Variants in UNKL observed in about 807,000 individuals in gnomAD.
The protein encoded by UNKL is putative E3 ubiquitin-protein ligase UNKL.
Under a neutral mutation model 78.0 loss-of-function variants are expected in UNKL, and 60 were observed. The observed-to-expected ratio is 0.77, with a 90% CI of 0.63 to 0.95. The LOEUF (loss-of-function observed/expected upper bound fraction) is 0.95, where lower values mean the gene tolerates loss of function less well. UNKL is among the 40% of genes least tolerant of loss of function. UNKL has a pLI of 0.00. For missense variants in UNKL, 1,159 were observed against 1,045.7 expected, an observed-to-expected ratio of 1.11 and a Z score of -1.49; for synonymous variants, 608 against 474.8, an observed-to-expected ratio of 1.28 and a Z score of -3.65.
At chr16:1,377,729 C>A (rs1423729910) in intron 10 of UNKL, among the ~76,000 whole-genome samples, 3 of 152,160 alleles carry the variant, frequency 2.0e-5, no homozygotes, top group African/African-American at 7.2e-5. Context: ...AGATGTCCAG[C>A]AGGGGCCAAA....
Position 1,403,307 on chromosome 16 carries a change from G to T in UNKL, c.325C>A (p.Arg109Ser), listed in dbSNP as rs1412879081. Residue 109 changes from arginine (R) to serine (S), a missense_variant, in exon 3 of 15, where the codon CGC becomes AGC. Arg to Ser is a moderately radical substitution (Grantham distance 110, BLOSUM62 -1). Transcript: ENST00000389221. This position sits in a 1 kb window ranked among gnomAD's most constrained non-coding sequence, Gnocchi z 4.8. ...TTGTAGTAACGCAGGTGGTACTTGC[G>T]TTCTGTGTCCCCCGTCGTCCGGTGC... ...YLHRTTGDTE[R>S]KYHLRYYKTG... 1 of 1,614,208 alleles carries T rather than the reference G, an allele frequency of 6.2e-7. No homozygotes were observed. Among genetic ancestry groups the T allele is most frequent in the Non-Finnish European group, 8.5e-7 (1 of 1,180,034 alleles).
In UNKL at chr16:1,401,538, C is replaced by G. The variant is rs752961434; in HGVS notation, c.598+30G>C. ...CTCGCGCTGTGCCCGCCCCCCCCAC[C>G]ACCGCCCTCAGCTGCGGCCGTGGAG... On this transcript the variant is annotated intron_variant, in intron 4 of 14. Transcript: ENST00000389221. The G allele has an allele frequency of 7.7e-5, 117 of 1,511,052 alleles. 1 individual carries two copies. The highest frequency in any genetic ancestry group is 8.0e-5 in the Non-Finnish European group (90 of 1,119,550). The allele number at this position is 1,511,052 out of a possible 1,614,324, so 93.6% of individuals were successfully genotyped here.
rs74697119 is a variant in UNKL, at chr16:1,366,005, T to C, written c.*235A>G. On this transcript the variant is annotated 3_prime_UTR_variant, in exon 15 of 15. Coordinates refer to ENST00000389221, the MANE Select transcript of UNKL (RefSeq NM_001372107.1). ...TTCTGTGGGTTTGCATTTAAGGTTT[T>C]TGAGGAAAATACCTTGAAACCGTCG... 6.4e-3 allele frequency: 2,822 copies of C among 439,228 alleles called. 75 individuals are homozygous for C. The highest frequency in any genetic ancestry group is 0.048 in the African/African-American group (2,418 of 49,910). The allele number at this position is 439,228 out of a possible 1,614,324, so 27.2% of individuals were successfully genotyped here. A position where few individuals can be genotyped will look rare whatever the true frequency, so the allele number is the denominator to read the frequency against.
At chr16:1,401,819 G>T in intron 3 of UNKL, 118 bp from the exon 4 acceptor site, 1 of 1,392,218 alleles carries the variant, frequency 7.2e-7, no homozygotes, top group Non-Finnish European at 9.5e-7. Context: ...CTGCCGAAGG[G>T]TTCAGGACGG....
At chr16:1,369,329 A>C (rs957706256) in intron 12 of UNKL, among the ~76,000 whole-genome samples, 1 of 150,182 alleles carries the variant, frequency 6.7e-6, no homozygotes, top group Non-Finnish European at 1.5e-5. Flanking sequence ...CGGCGCCCCA[A>C]GTGCTGGGAT....
chr16:1,393,121 A>G, intron 7 of UNKL, 145 bp from the exon 8 acceptor site: 1 of 810,394 alleles, frequency 1.2e-6, no homozygotes. Flanking sequence ...ACGGCTGGGC[A>G]GTGGTGGGGA....
At chr16:1,385,149 AAGCTAC>A in intron 10 of UNKL, 53 bp downstream of exon 10, 1 of 1,180,604 alleles carries the variant, frequency 8.5e-7, no homozygotes, top group Non-Finnish European at 1.1e-6. Flanking sequence ...TGTCCCTGAA[AAGCTAC>A]AGCATGAACA....
chr16:1,378,618 C>T (rs1339984252), intron 10 of UNKL, among the ~76,000 whole-genome samples: 1 of 152,232 alleles, frequency 6.6e-6, no homozygotes, highest in African/African-American at 2.4e-5. Flanking sequence ...CAAACTACGG[C>T]TCGCACTCAA....
chr16:1,404,568 T>C (rs1015241272), intron 2 of UNKL, among the ~76,000 whole-genome samples: 2 of 151,978 alleles, frequency 1.3e-5, no homozygotes, highest in East Asian at 3.9e-4. Context: ...CAAGCAAAAG[T>C]CAAATTACAA....
At chr16:1,389,736 G>A (rs953499331) in intron 9 of UNKL, among the ~76,000 whole-genome samples, 1 of 152,236 alleles carries the variant, frequency 6.6e-6, no homozygotes, top group African/African-American at 2.4e-5. Context: ...CACCCGGGGG[G>A]CCTCAGGAGC....
chr16:1,402,422 G>A (rs2037567410), intron 3 of UNKL, among the ~76,000 whole-genome samples: 1 of 152,042 alleles, frequency 6.6e-6, no homozygotes, highest in Non-Finnish European at 1.5e-5. Context: ...CAGAATTTCA[G>A]GAGGCCGAGG....
intron 9 of UNKL, among the ~76,000 whole-genome samples, chr16:1,388,939 T>TG (rs2036930944): frequency 6.6e-6 from 1 of 152,350 alleles, no homozygotes; most frequent in Admixed American, 6.5e-5. Context: ...GGCCATGGTT[T>TG]GGTGTAGTAC....
intron 10 of UNKL, among the ~76,000 whole-genome samples, chr16:1,375,070 C>A (rs1022227255): frequency 5.3e-5 from 8 of 152,180 alleles, no homozygotes; most frequent in African/African-American, 1.9e-4. Context: ...ATGGGAGCAA[C>A]CACAGGGTGG....
At position 1,399,026 on chromosome 16, in the gene UNKL, C is replaced by A; in HGVS notation, c.734+348G>T. On this transcript the variant is annotated intron_variant, in intron 5 of 14. Coordinates refer to ENST00000389221, the MANE Select transcript of UNKL (RefSeq NM_001372107.1). The surrounding 1 kb of genome is among the most constrained non-coding windows in gnomAD (Gnocchi z 5.8). ...GAGGAGACAGCATGCAGCCCACAGG[C>A]TGGAGAGCGTGGCTGCAACCAGAGG... The A allele has an allele frequency of 6.9e-7, 1 of 1,443,078 alleles. No individual in the cohort carries two copies. The highest frequency in any genetic ancestry group is 1.4e-5 in the South Asian group (1 of 70,108). The allele number at this position is 1,443,078 out of a possible 1,614,324, so 89.4% of individuals were successfully genotyped here.
At chr16:1,388,327 G>A (rs559923921) in intron 9 of UNKL, among the ~76,000 whole-genome samples, 1 of 152,080 alleles carries the variant, frequency 6.6e-6, no homozygotes, top group Non-Finnish European at 1.5e-5. Flanking sequence ...GGGACAGGCA[G>A]CCTCAGGCTC....
At position 1,385,244 on chromosome 16, in the gene UNKL, G is replaced by A; in HGVS notation, c.1228C>T (p.Leu410Phe). The A allele has an allele frequency of 7.6e-7, 1 of 1,310,800 alleles. No individual in the cohort carries two copies. The highest frequency in any genetic ancestry group is 3.1e-5 in the East Asian group (1 of 31,964). 81.2% of individuals were successfully genotyped at this position (1,310,800 alleles called of 1,614,324 possible). The change falls in exon 10 of 15, where the codon CTC (leucine) becomes TTC (phenylalanine). Residue 410 changes from leucine (L) to phenylalanine (F), a missense_variant. Coordinates refer to ENST00000389221, the MANE Select transcript of UNKL (RefSeq NM_001372107.1). ...LPAPPARALP[L>F]GPASSTVEAV... Reference sequence around the variant, plus strand: ...TCCACAGTGCTGCTGGCGGGGCCGAGCGGGAGGGCACGGGCGGGGGGCGCG... The same window carrying A: ...TCCACAGTGCTGCTGGCGGGGCCGAACGGGAGGGCACGGGCGGGGGGCGCG...
At chr16:1,389,509 C>T (rs902290594) in intron 9 of UNKL, among the ~76,000 whole-genome samples, 1 of 152,172 alleles carries the variant, frequency 6.6e-6, no homozygotes, top group Non-Finnish European at 1.5e-5. Context: ...CTGGGAGTCC[C>T]GGGCTGCAGT....
chr16:1,372,610 C>T (rs1039124098), intron 10 of UNKL, among the ~76,000 whole-genome samples: 2 of 152,216 alleles, frequency 1.3e-5, no homozygotes, highest in Admixed American at 6.5e-5. Context: ...GAAGCCACAG[C>T]GTGTCTCAAA....
At position 1,393,307 on chromosome 16, in the gene UNKL, G is replaced by A. The variant is rs550948900; in HGVS notation, c.938-331C>T. Among the ~76,000 whole-genome samples, 4 of 152,314 alleles carry A rather than the reference G, an allele frequency of 2.6e-5. No individual in the cohort carries two copies. In the East Asian group the frequency reaches 7.7e-4, roughly 29 times the overall value. ...CCTGGAACCCAAATCCTAGGGCTGG[G>A]AGGAGGAGGCCGTGTGGGTTCCCAC... On this transcript the variant is annotated intron_variant, in intron 7 of 14. Coordinates refer to ENST00000389221, the MANE Select transcript of UNKL (RefSeq NM_001372107.1).
Sources: gnomAD v4.1 joint callset for allele counts (sites outside exome capture counted in the v4.1 genomes callset) on GRCh38, gnomAD v4.1.1 for gene constraint, Gnocchi (gnomAD v3.1) non-coding constraint, MANE v1.5 for transcripts, NCBI Gene and HGNC (gene_info 2026-07-23, HGNC 2026-07-21) for gene names.